RANBP2: variants seen among roughly 807,000 people sequenced by gnomAD.
The protein encoded by RANBP2 is E3 SUMO-protein ligase RanBP2.
A neutral mutation model predicts 303.6 loss-of-function variants in RANBP2; 57 were observed. That is an observed-to-expected ratio of 0.19 (90% CI 0.15 to 0.23). The LOEUF (loss-of-function observed/expected upper bound fraction) is 0.23, where lower values mean the gene tolerates loss of function less well. Ranked by LOEUF, RANBP2 falls within the 10% of genes least tolerant of loss-of-function variation. The pLI, the probability that RANBP2 is intolerant of heterozygous loss-of-function variation, is 1.00. For synonymous variants in RANBP2, 1,167 were observed against 1,301.5 expected (o/e 0.90, Z 2.23); for missense variants, 3,138 against 3,780.8 (o/e 0.83, Z 4.46).
chr2:108,814,650 T>C, the RANBP2 span, among the ~76,000 whole-genome samples: 12 of 151,370 alleles, frequency 7.9e-5, no homozygotes, highest in African/African-American at 2.9e-4. Flanking sequence ...GTTTTTTTAT[T>C]TTTTAATTTA....
the RANBP2 span, among the ~76,000 whole-genome samples, chr2:109,248,918 TC>T: frequency 6.6e-6 from 1 of 151,542 alleles, no homozygotes; most frequent in Non-Finnish European, 1.5e-5. Context: ...TCCTGTCCTG[TC>T]CTGTCCTGTC....
the RANBP2 span, among the ~76,000 whole-genome samples, chr2:109,594,084 G>A: frequency 2.0e-5 from 3 of 152,142 alleles, no homozygotes; most frequent in Non-Finnish European, 2.9e-5. Context: ...CCAAACTGGT[G>A]TTCCTTCTAC....
the RANBP2 span, among the ~76,000 whole-genome samples, chr2:109,476,728 A>G: frequency 1.3e-5 from 2 of 152,222 alleles, no homozygotes; most frequent in African/African-American, 4.8e-5. Flanking sequence ...AGGAAAGTAA[A>G]GGAATACAAG....
the RANBP2 span, among the ~76,000 whole-genome samples, chr2:108,899,413 T>C: frequency 3.3e-5 from 5 of 152,174 alleles, no homozygotes; most frequent in African/African-American, 9.7e-5. Context: ...CCAGCAGACC[T>C]ATCCTAAAAG....
the RANBP2 span, among the ~76,000 whole-genome samples, chr2:109,307,432 T>A: frequency 7.6e-6 from 1 of 132,218 alleles, no homozygotes; most frequent in Admixed American, 7.3e-5. Context: ...TTTTTTTTTT[T>A]ATTATTATAC....
At chr2:108,993,695 C>T in the RANBP2 span, among the ~76,000 whole-genome samples, 1 of 152,098 alleles carries the variant, frequency 6.6e-6, no homozygotes, top group Admixed American at 6.6e-5. Context: ...TTGATTGTAC[C>T]CTATTGGAGA....
the RANBP2 span, among the ~76,000 whole-genome samples, chr2:108,832,306 C>T: frequency 2.7e-5 from 4 of 150,352 alleles, no homozygotes; most frequent in South Asian, 2.1e-4. Context: ...AGATTACAGG[C>T]GTGACCCACC....
At chr2:109,133,340 T>A in the RANBP2 span, among the ~76,000 whole-genome samples, 33 of 152,256 alleles carry the variant, frequency 2.2e-4, no homozygotes, top group African/African-American at 7.5e-4. Context: ...ATCTCTTCTG[T>A]GTCTCTTTGA....
chr2:109,414,012 C>T, the RANBP2 span, among the ~76,000 whole-genome samples: 1 of 152,250 alleles, frequency 6.6e-6, no homozygotes, highest in African/African-American at 2.4e-5. Flanking sequence ...GGCCATTCCA[C>T]AGCATGCAGC....
the RANBP2 span, among the ~76,000 whole-genome samples, chr2:109,131,720 TTTTAGTAGTGACA>T: frequency 1.3e-5 from 2 of 152,200 alleles, no homozygotes; most frequent in Non-Finnish European, 2.9e-5. Context: ...GCTTGGAACT[TTTTAGTAGTGACA>T]TTTAGTATTA....
At chr2:109,556,915 C>A in the RANBP2 span, among the ~76,000 whole-genome samples, 1 of 151,938 alleles carries the variant, frequency 6.6e-6, no homozygotes, top group African/African-American at 2.4e-5. Context: ...CAAACTATCG[C>A]AAGGACAAAA....
chr2:108,963,184 T>G, the RANBP2 span, among the ~76,000 whole-genome samples: 1 of 152,172 alleles, frequency 6.6e-6, no homozygotes, highest in South Asian at 2.1e-4. Flanking sequence ...ATTCCAGTTT[T>G]GGGAAAATAC....
the RANBP2 span, among the ~76,000 whole-genome samples, chr2:109,442,310 CAA>C: frequency 2.5e-4 from 19 of 75,848 alleles, no homozygotes; most frequent in Admixed American, 3.3e-4. Context: ...GACTCCACCT[CAA>C]AAAAAAAAAA....
chr2:109,154,461 G>A, the RANBP2 span, among the ~76,000 whole-genome samples: 4,582 of 152,266 alleles, frequency 0.03, 216 homozygotes, highest in African/African-American at 0.1. Flanking sequence ...TCCTGGGAAG[G>A]GACCACCAGC....
chr2:108,799,165 A>G, the RANBP2 span, among the ~76,000 whole-genome samples: 1 of 152,174 alleles, frequency 6.6e-6, no homozygotes, highest in African/African-American at 2.4e-5. Context: ...CCATCTTTGA[A>G]GAATTCAGGC....
At chr2:109,422,455 AGCATGTGAAAG>A in the RANBP2 span, among the ~76,000 whole-genome samples, 1 of 152,188 alleles carries the variant, frequency 6.6e-6, no homozygotes, top group Non-Finnish European at 1.5e-5. Context: ...CCCTTCTTCC[AGCATGTGAAAG>A]GCTTCCCTGG....
chr2:109,379,020 C>CGA, the RANBP2 span, among the ~76,000 whole-genome samples: 1 of 152,204 alleles, frequency 6.6e-6, no homozygotes, highest in African/African-American at 2.4e-5. Flanking sequence ...ATCCAGAACT[C>CGA]TGTCTTCTCA....
the RANBP2 span, among the ~76,000 whole-genome samples, chr2:109,047,496 A>AAAACAAAC: frequency 1.4e-3 from 214 of 152,272 alleles, no homozygotes; most frequent in Non-Finnish European, 2.1e-3. Context: ...GGCTCAAAGA[A>AAAACAAAC]AAACAAACAA....
chr2:109,125,501 C>T, the RANBP2 span, among the ~76,000 whole-genome samples: 19 of 152,312 alleles, frequency 1.2e-4, no homozygotes, highest in South Asian at 6.2e-4. Flanking sequence ...CTTACCACAT[C>T]GTCATTAATT....
Sources: allele counts gnomAD v4.1 joint callset (sites outside exome capture counted in the v4.1 genomes callset), GRCh38; gene constraint gnomAD v4.1.1; transcripts MANE v1.5; gene names NCBI Gene and HGNC (gene_info 2026-07-23, HGNC 2026-07-21).